The following KCNIP4 variants were observed in gnomAD, a reference collection of about 807,000 sequenced individuals.
The protein encoded by KCNIP4 is Kv channel-interacting protein 4.
A neutral mutation model predicts 34.0 loss-of-function variants in KCNIP4; 12 were observed. The observed-to-expected ratio is 0.35, with a 90% CI of 0.23 to 0.57. KCNIP4 has a LOEUF of 0.57. KCNIP4 is among the 20% of genes least tolerant of loss of function. The pLI, the probability that KCNIP4 is intolerant of heterozygous loss-of-function variation, is 0.83. For synonymous variants in KCNIP4, 124 were observed against 102.2 expected (o/e 1.21, Z -1.29); for missense variants, 238 against 311.7 (o/e 0.76, Z 1.78).
intron 2 of KCNIP4, among the ~76,000 whole-genome samples, chr4:20,864,352 A>G (rs1439206178): frequency 6.6e-6 from 1 of 151,278 alleles, no homozygotes; most frequent in South Asian, 2.1e-4. Context: ...ATGTATGTAT[A>G]ACATGTATAT....
chr4:20,769,541 C>T (rs1755695169), intron 3 of KCNIP4, among the ~76,000 whole-genome samples: 1 of 152,150 alleles, frequency 6.6e-6, no homozygotes, highest in Non-Finnish European at 1.5e-5. Context: ...CAATGGTGCC[C>T]TGGGACAAAG....
chr4:21,114,098 A>G (rs193207418), intron 1 of KCNIP4, among the ~76,000 whole-genome samples: 1 of 152,260 alleles, frequency 6.6e-6, no homozygotes, highest in Admixed American at 6.5e-5. Context: ...CTGTCCCATA[A>G]TCTGTACAAC....
chr4:21,908,393 C>A (rs1327376241), intron 1 of KCNIP4, among the ~76,000 whole-genome samples: 2 of 152,092 alleles, frequency 1.3e-5, no homozygotes, highest in Non-Finnish European at 2.9e-5. Context: ...GAATCCTTCC[C>A]CAAGCTCCCC....
At chr4:21,693,104 T>TTAC (rs1711863775) in intron 1 of KCNIP4, among the ~76,000 whole-genome samples, 1 of 94,904 alleles carries the variant, frequency 1.1e-5, no homozygotes, top group African/African-American at 4.1e-5. Context: ...TAGGATCACC[T>TTAC]CTTCCAGACA....
intron 1 of KCNIP4, among the ~76,000 whole-genome samples, chr4:21,074,364 G>C (rs2109005681): frequency 6.6e-6 from 1 of 152,174 alleles, no homozygotes; most frequent in South Asian, 2.1e-4. Context: ...GTTTACTCTT[G>C]GGAGACTGTA....
chr4:21,624,167 C>G (rs923803604), intron 1 of KCNIP4, among the ~76,000 whole-genome samples: 4 of 152,006 alleles, frequency 2.6e-5, no homozygotes. Flanking sequence ...CATTACTTAC[C>G]AACAGTGAAT....
intron 1 of KCNIP4, among the ~76,000 whole-genome samples, chr4:21,577,567 G>C (rs1378669331): frequency 1.3e-5 from 2 of 152,078 alleles, no homozygotes; most frequent in African/African-American, 4.8e-5. Flanking sequence ...GGAGGCGGAG[G>C]TTACAGTGAG....
chr4:21,806,058 G>A (rs910179313), intron 1 of KCNIP4, among the ~76,000 whole-genome samples: 3 of 152,194 alleles, frequency 2.0e-5, no homozygotes, highest in South Asian at 2.1e-4. Context: ...TAGGAGACAA[G>A]TGACACTAAT....
chr4:21,692,285 G>A (rs1711746126), intron 1 of KCNIP4, among the ~76,000 whole-genome samples: 1 of 152,136 alleles, frequency 6.6e-6, no homozygotes, highest in Admixed American at 6.6e-5. Flanking sequence ...AATTAAAGAA[G>A]GCAACCAGTA....
chr4:21,282,562 A>C (rs1049980158), intron 1 of KCNIP4, among the ~76,000 whole-genome samples: 10 of 152,084 alleles, frequency 6.6e-5, no homozygotes, highest in African/African-American at 2.4e-4. Context: ...CTATAAGGCT[A>C]CTTGAAGTCT....
intron 3 of KCNIP4, among the ~76,000 whole-genome samples, chr4:20,803,425 G>T (rs1714606807): frequency 7.3e-6 from 1 of 137,918 alleles, no homozygotes; most frequent in Non-Finnish European, 1.5e-5. Flanking sequence ...CTGAGCTCAG[G>T]AGTTCAAGAC....
At chr4:21,432,254 G>A (rs181340667) in intron 1 of KCNIP4, among the ~76,000 whole-genome samples, 1 of 150,034 alleles carries the variant, frequency 6.7e-6, no homozygotes, top group African/African-American at 2.4e-5. Context: ...AATAAAGCGA[G>A]GAAAAATGTA....
chr4:21,419,075 A>G (rs958527685), intron 1 of KCNIP4, among the ~76,000 whole-genome samples: 1 of 152,230 alleles, frequency 6.6e-6, no homozygotes, highest in South Asian at 2.1e-4. Context: ...TCCATAATGC[A>G]CTATGCATGG....
At chr4:21,884,012 C>T (rs137960713) in intron 1 of KCNIP4, among the ~76,000 whole-genome samples, 12 of 152,124 alleles carry the variant, frequency 7.9e-5, no homozygotes, top group African/African-American at 2.2e-4. Context: ...GGAACTCAAA[C>T]GTAAGGTAAT....
chr4:20,970,000 T>C (rs1274085741), intron 1 of KCNIP4, among the ~76,000 whole-genome samples: 1 of 151,966 alleles, frequency 6.6e-6, no homozygotes, highest in African/African-American at 2.4e-5. Flanking sequence ...GGAGTGCAGT[T>C]GTGCCATCTC....
rs540012422 is a variant in KCNIP4 at position 21,654,760 on chromosome 4, A to G, written c.61+293811T>C. Among the ~76,000 whole-genome samples, 8 of 152,066 alleles carry G rather than the reference A, an allele frequency of 5.3e-5. No homozygotes were observed. In the East Asian group the frequency reaches 1.6e-3, roughly 30 times the overall value. ...AACATGGTGAAACCCCGTCTCTACT[A>G]AAAAATACAAAAAATTAGTCGGGTG... is the stretch of plus-strand genomic sequence containing the variant. On this transcript the variant is annotated intron_variant, in intron 1 of 8. Transcript: ENST00000382152.
chr4:21,746,090 C>T (rs1716759603), intron 1 of KCNIP4, among the ~76,000 whole-genome samples: 1 of 152,152 alleles, frequency 6.6e-6, no homozygotes, highest in African/African-American at 2.4e-5. Flanking sequence ...CCCCACATAG[C>T]TGTCCTCAGT....
chr4:20,777,267 T>C (rs1756456132), intron 3 of KCNIP4, among the ~76,000 whole-genome samples: 1 of 152,072 alleles, frequency 6.6e-6, no homozygotes, highest in Admixed American at 6.6e-5. Flanking sequence ...AACCATCAGC[T>C]CTTGTGAGAA....
intron 1 of KCNIP4, among the ~76,000 whole-genome samples, chr4:20,905,505 C>CTTTTTTTTTTTT (rs1182454951): frequency 1.9e-3 from 72 of 37,038 alleles, no homozygotes; most frequent in African/African-American, 4.8e-3. Flanking sequence ...TGAACGTTTT[C>CTTTTTTTTTTTT]TTTCTTTTTT....
Sources: gnomAD v4.1 joint callset for allele counts (sites outside exome capture counted in the v4.1 genomes callset) on GRCh38, gnomAD v4.1.1 for gene constraint, MANE v1.5 for transcripts, NCBI Gene and HGNC (gene_info 2026-07-23, HGNC 2026-07-21) for gene names.